SPEF1: variants seen among roughly 807,000 people sequenced by gnomAD.
SPEF1 encodes sperm flagella and cilia-associated protein 1.
A neutral mutation model predicts 31.8 loss-of-function variants in SPEF1; 30 were observed. The ratio of observed to expected loss-of-function variants is 0.94; its 90% CI spans 0.70 to 1.28. The LOEUF (loss-of-function observed/expected upper bound fraction) is 1.28. SPEF1 is among the 50% of genes most tolerant of loss of function. The pLI, the probability that SPEF1 is intolerant of heterozygous loss-of-function variation, is 0.00. For synonymous variants in SPEF1, 126 were observed against 130.1 expected (o/e 0.97, Z 0.21); for missense variants, 298 against 309.6 (o/e 0.96, Z 0.28).
intron 5 of SPEF1, 84 bp downstream of exon 5, chr20:3,778,662 A>G: frequency 1.3e-6 from 2 of 1,584,716 alleles, no homozygotes; most frequent in Admixed American, 1.7e-5. Flanking sequence ...CTCCCGTCTC[A>G]GGCTCAGCGT....
chr20:3,779,836 A>C, intron 1 of SPEF1, 61 bp from the exon 2 acceptor site: 3 of 382,036 alleles, frequency 7.9e-6, no homozygotes, highest in East Asian at 6.8e-5. Context: ...AGGAGGTGAG[A>C]GAAGGTGGGG....
At position 3,781,342 on chromosome 20, in the gene SPEF1, C is replaced by G; in HGVS notation, c.-55G>C. The G allele has an allele frequency of 6.3e-7, 1 of 1,580,684 alleles. No individual in the cohort carries two copies. Among genetic ancestry groups the G allele is most frequent in the Non-Finnish European group, 8.6e-7 (1 of 1,164,948 alleles). On this transcript the variant is annotated 5_prime_UTR_variant, in exon 1 of 7. Transcript: ENST00000379756. ...GGTGCCGGGTCCCGCCCCAGCCTCA[C>G]GACCCTTCAGGCGCTTCCTTTCTCG...
chr20:3,778,746 C>A lies in SPEF1; in HGVS notation c.479G>T (p.Ser160Ile). ...VPDPQGGGQL[S>I]WDRPPAPRPP... ...AGTCTGGAACTCCCAGCTTCTTTAC[C>A]TGAGCTGACCCCCTCCCTGGGGGTC... Residue 160 changes from serine to isoleucine, a missense_variant and splice_region_variant, in exon 5 of 7, where the codon AGC becomes ATC. Transcript: ENST00000379756. 1 of 1,613,780 alleles carries A rather than the reference C, an allele frequency of 6.2e-7. No individual in the cohort carries two copies. Among genetic ancestry groups the A allele is most frequent in the Non-Finnish European group, 8.5e-7 (1 of 1,179,858 alleles).
In SPEF1 at chr20:3,777,891, C is replaced by A. The variant is rs1166851316; in HGVS notation, c.*321G>T. 2.3e-5 allele frequency: 6 copies of A among 258,518 alleles called. No homozygotes were observed. The highest frequency in any genetic ancestry group is 7.3e-6 in the Non-Finnish European group (1 of 136,426). The allele number at this position is 258,518 out of a possible 1,614,324, so 16.0% of individuals were successfully genotyped here. A position where few individuals can be genotyped will look rare whatever the true frequency, so the allele number is the denominator to read the frequency against. ...CAGCGCCGGGAGATGCAAGGCCGGG[C>A]CCAAGGTGTTGGACACTGCTTTGGG... On this transcript the variant is annotated 3_prime_UTR_variant, in exon 7 of 7. Transcript: ENST00000379756. This position sits in a 1 kb window ranked among gnomAD's most constrained non-coding sequence, Gnocchi z 4.1.
In SPEF1 at chr20:3,781,300, G is replaced by C. The variant is rs756142072; in HGVS notation, c.-13C>G. ...CGCTGCTCGCCATTGGCGTCCTCACGGCCTGGCCGCCCCAGCGGTGCCGGG... is the reference window on the plus strand; with the variant it reads ...CGCTGCTCGCCATTGGCGTCCTCACCGCCTGGCCGCCCCAGCGGTGCCGGG... On this transcript the variant is annotated 5_prime_UTR_variant, in exon 1 of 7. Coordinates refer to ENST00000379756, the MANE Select transcript of SPEF1 (RefSeq NM_015417.5). 3.1e-6 allele frequency: 5 copies of C among 1,611,960 alleles called. No individual in the cohort carries two copies. The South Asian group carries it at 4.4e-5, about 14-fold the overall frequency.
At position 3,781,263 on chromosome 20, in the gene SPEF1, C is replaced by A. The variant is rs2088777713; in HGVS notation, c.25G>T (p.Ala9Ser). 3.1e-6 allele frequency: 5 copies of A among 1,614,120 alleles called. No homozygotes were observed. In the South Asian group the frequency reaches 3.3e-5, roughly 11 times the overall value. Reference protein sequence around the residue: MASSVDEEALHQLYLWVDN... With the variant: MASSVDEESLHQLYLWVDN... ...ACCCACAGGTACAGCTGGTGCAGCGCCTCCTCGTCCACGCTGCTCGCCATT... is the reference window on the plus strand; with the variant it reads ...ACCCACAGGTACAGCTGGTGCAGCGACTCCTCGTCCACGCTGCTCGCCATT... Residue 9 changes from alanine (A) to serine (S), a missense_variant, in exon 1 of 7, where the codon GCG becomes TCG. Coordinates refer to ENST00000379756, the MANE Select transcript of SPEF1 (RefSeq NM_015417.5).
chr20:3,778,950 C>T lies in SPEF1; in HGVS notation c.418+1G>A, dbSNP rs1174443232. 6.2e-7 allele frequency: 1 copy of T among 1,614,166 alleles called. No homozygotes were observed. Among genetic ancestry groups the T allele is most frequent in the Non-Finnish European group, 8.5e-7 (1 of 1,179,992 alleles). On this transcript the variant is annotated splice_donor_variant, in intron 4 of 6. Transcript: ENST00000379756. LOFTEE classifies it high-confidence loss of function. Reference sequence around the variant, plus strand: ...GGGAGAAATGGAAAAGGCCACCTTACCCACATCCATGTAGCCACTGCCATC... The same window carrying T: ...GGGAGAAATGGAAAAGGCCACCTTATCCACATCCATGTAGCCACTGCCATC...
intron 1 of SPEF1, among the ~76,000 whole-genome samples, chr20:3,780,730 C>T (rs796937083): frequency 1.2e-4 from 19 of 152,212 alleles, no homozygotes; most frequent in African/African-American, 4.6e-4. Flanking sequence ...TCCCAGGAGA[C>T]ATTCCTAGAA....
rs768917378 is a variant in SPEF1, at chr20:3,779,789, G to C, written c.110-14C>G. Reference sequence around the variant, plus strand: ...CTGCAACAAGGACTGAGGGAGAGGGGAGCAGACATGGAAAGTGGGGGCATG... The same window carrying C: ...CTGCAACAAGGACTGAGGGAGAGGGCAGCAGACATGGAAAGTGGGGGCATG... On this transcript the variant is annotated splice_polypyrimidine_tract_variant and intron_variant, in intron 1 of 6. Transcript: ENST00000379756. 1 of 1,471,074 alleles carries C rather than the reference G, an allele frequency of 6.8e-7. No individual in the cohort carries two copies. The highest frequency in any genetic ancestry group is 2.4e-5 in the East Asian group (1 of 42,198). The allele number at this position is 1,471,074 out of a possible 1,614,324, so 91.1% of individuals were successfully genotyped here. A position where few individuals can be genotyped will look rare whatever the true frequency, so the allele number is the denominator to read the frequency against.
At chr20:3,778,829 A>T (rs1466964261) in intron 4 of SPEF1, 23 bp from the exon 5 acceptor site, 4 of 1,613,472 alleles carry the variant, frequency 2.5e-6, no homozygotes, top group Non-Finnish European at 8.5e-7. Context: ...AAGTGGAGGA[A>T]TGACTGTGCT....
In SPEF1 at chr20:3,781,329, C is replaced by G. The variant is rs771022313; in HGVS notation, c.-42G>C. The G allele has an allele frequency of 2.5e-6, 4 of 1,596,166 alleles. No individual in the cohort carries two copies. The highest frequency in any genetic ancestry group is 1.1e-5 in the South Asian group (1 of 89,422). ...TGGCCGCCCCAGCGGTGCCGGGTCC[C>G]GCCCCAGCCTCACGACCCTTCAGGC... On this transcript the variant is annotated 5_prime_UTR_variant, in exon 1 of 7. Transcript: ENST00000379756.
chr20:3,779,388 TG>T, intron 2 of SPEF1, 36 bp from the exon 3 acceptor site: 1 of 1,553,264 alleles, frequency 6.4e-7, no homozygotes, highest in African/African-American at 1.4e-5. Flanking sequence ...GATTGGGTCC[TG>T]GGGAAATGAA....
intron 2 of SPEF1, 67 bp from the exon 3 acceptor site, chr20:3,779,419 G>A: frequency 1.5e-6 from 2 of 1,375,698 alleles, no homozygotes; most frequent in Non-Finnish European, 2.0e-6. Flanking sequence ...TGGGGGAGAG[G>A]GAAGGGGGCA....
At position 3,781,442 on chromosome 20, in the gene SPEF1, G is replaced by A; in HGVS notation, c.-155C>T. 1 of 1,233,594 alleles carries A rather than the reference G, an allele frequency of 8.1e-7. No homozygotes were observed. The highest frequency in any genetic ancestry group is 1.1e-6 in the Non-Finnish European group (1 of 914,414). 76.4% of individuals were successfully genotyped at this position (1,233,594 alleles called of 1,614,324 possible). ...CGTCCCAGCTGGGAGCGGCCATATT[G>A]TTTTCTGAAACCATGGAAACCATTC... On this transcript the variant is annotated 5_prime_UTR_variant, in exon 1 of 7. Coordinates refer to ENST00000379756, the MANE Select transcript of SPEF1 (RefSeq NM_015417.5).
At chr20:3,780,714 T>C (rs973039044) in intron 1 of SPEF1, among the ~76,000 whole-genome samples, 10 of 152,124 alleles carry the variant, frequency 6.6e-5, no homozygotes, top group African/African-American at 2.2e-4. Context: ...ATTTCTGTCA[T>C]TGAGATCCCA....
Position 3,781,375 on chromosome 20 carries a change from A to G in SPEF1, c.-88T>C. On this transcript the variant is annotated 5_prime_UTR_variant, in exon 1 of 7. Coordinates refer to ENST00000379756, the MANE Select transcript of SPEF1 (RefSeq NM_015417.5). ...CAGGCGCTTCCTTTCTCGCCACTGC[A>G]GAAGCCCATAACTGCCTCTGCCTGC... The G allele has an allele frequency of 5.2e-6, 8 of 1,524,112 alleles. No individual in the cohort carries two copies. The highest frequency in any genetic ancestry group is 7.0e-6 in the Non-Finnish European group (8 of 1,136,992). The allele number at this position is 1,524,112 out of a possible 1,614,324, so 94.4% of individuals were successfully genotyped here. A position where few individuals can be genotyped will look rare whatever the true frequency, so the allele number is the denominator to read the frequency against.
intron 1 of SPEF1, among the ~76,000 whole-genome samples, chr20:3,780,604 T>A (rs2088774003): frequency 6.6e-6 from 1 of 151,946 alleles, no homozygotes; most frequent in Non-Finnish European, 1.5e-5. Context: ...AGAACACACA[T>A]AGACAGAAGC....
chr20:3,778,197 G>C lies in SPEF1; in HGVS notation c.*15C>G. ...GGCGGGTACCCGGGCGTCCCCGCGC[G>C]GCCCGGGCCGCCGCTCACCGCTGCT... On this transcript the variant is annotated 3_prime_UTR_variant, in exon 7 of 7. Coordinates refer to ENST00000379756, the MANE Select transcript of SPEF1 (RefSeq NM_015417.5). 20 of 1,531,634 alleles carry C rather than the reference G, an allele frequency of 1.3e-5. No individual in the cohort carries two copies. The highest frequency in any genetic ancestry group is 1.7e-5 in the Non-Finnish European group (19 of 1,137,026). The allele number at this position is 1,531,634 out of a possible 1,614,324, so 94.9% of individuals were successfully genotyped here. A position where few individuals can be genotyped will look rare whatever the true frequency, so the allele number is the denominator to read the frequency against.
Position 3,779,291 on chromosome 20 carries a change from A to G in SPEF1, c.283T>C (p.Cys95Arg), listed in dbSNP as rs774159454. Residue 95 changes from cysteine to arginine, a missense_variant, in exon 3 of 7, where the codon TGC becomes CGC. Cys to Arg is a radical substitution (Grantham distance 180). Transcript: ENST00000379756. ...PDDVMRKIAQCAPGVVELVLI... is the reference protein window; with the variant it reads ...PDDVMRKIAQRAPGVVELVLI... ...ACCAGCTCCACCACGCCTGGGGCGCACTGCGCGATCTTGCGCATCACGTCA... is the reference window on the plus strand; with the variant it reads ...ACCAGCTCCACCACGCCTGGGGCGCGCTGCGCGATCTTGCGCATCACGTCA... The G allele has an allele frequency of 3.1e-6, 5 of 1,600,002 alleles. No individual in the cohort carries two copies. In the African/African-American group the frequency reaches 6.7e-5, roughly 21 times the overall value.
Sources: gnomAD v4.1 joint callset for allele counts (sites outside exome capture counted in the v4.1 genomes callset) on GRCh38, gnomAD v4.1.1 for gene constraint, Gnocchi (gnomAD v3.1) non-coding constraint, MANE v1.5 for transcripts, NCBI Gene and HGNC (gene_info 2026-07-23, HGNC 2026-07-21) for gene names.